ZNF487: variants seen among roughly 807,000 people sequenced by gnomAD.
ZNF487 encodes the protein zinc finger protein 487.
Under a neutral mutation model 3.0 loss-of-function variants are expected in ZNF487, and 4 were observed. The observed-to-expected ratio is 1.35, with a 90% CI of 0.66 to 3.08. The LOEUF is 3.08. Among genes scored for constraint, ZNF487 ranks in the 30% most tolerant of loss-of-function variants. The pLI, the probability that ZNF487 is intolerant of heterozygous loss-of-function variation, is 0.01. For missense variants in ZNF487, 146 were observed against 98.7 expected (o/e 1.48, Z -2.03); for synonymous variants, 55 against 34.6 (o/e 1.59, Z -2.06).
chr10:43,513,245 T>C, the ZNF487 span, among the ~76,000 whole-genome samples: 2 of 152,264 alleles, frequency 1.3e-5, no homozygotes, highest in East Asian at 1.9e-4. Flanking sequence ...TAAAGGTATA[T>C]TGCTGGCCTT....
At chr10:43,442,507 G>A (rs1291192107) in intron 1 of ZNF487, among the ~76,000 whole-genome samples, 6 of 151,934 alleles carry the variant, frequency 3.9e-5, no homozygotes, top group African/African-American at 9.7e-5. Flanking sequence ...GCAGTGGCAC[G>A]ATCTCGGCTC....
At chr10:43,483,921 G>A (rs1326344601), downstream of ZNF487, among the ~76,000 whole-genome samples, 11 of 151,814 alleles carry the variant, frequency 7.2e-5, no homozygotes, top group Non-Finnish European at 1.0e-4. Context: ...GCATGATCTC[G>A]GCTCACTGCA....
intron 1 of ZNF487, chr10:43,452,933 T>C (rs1357695349): frequency 1.3e-5 from 2 of 152,084 alleles, no homozygotes; most frequent in Non-Finnish European, 1.5e-5. Context: ...TTTTTTTCTT[T>C]TTTTGGTGGT....
intron 1 of ZNF487, among the ~76,000 whole-genome samples, chr10:43,465,314 G>A (rs1329765485): frequency 6.6e-6 from 1 of 151,698 alleles, no homozygotes; most frequent in Non-Finnish European, 1.5e-5. Context: ...TCCCGGACCG[G>A]GTGGCTGCCG....
At chr10:43,438,675 T>C (rs1839470336) in intron 1 of ZNF487, among the ~76,000 whole-genome samples, 1 of 152,198 alleles carries the variant, frequency 6.6e-6, no homozygotes. Context: ...TGTACAGTCA[T>C]GTTCATAGCA....
At chr10:43,442,743 CTG>C (rs1165681804) in intron 1 of ZNF487, among the ~76,000 whole-genome samples, 2 of 152,012 alleles carry the variant, frequency 1.3e-5, no homozygotes, top group African/African-American at 4.8e-5. Flanking sequence ...GCGCCCAGCC[CTG>C]GAATTATTTT....
Position 43,456,515 on chromosome 10 carries a change from T to C in ZNF487, c.-93-19206T>C, listed in dbSNP as rs1196765632. The stretch of plus-strand genomic sequence containing the variant: ...GGGTTAGGCTTGCCCAGGAAATGTC[T>C]CTCCATTTTCAGGGTTGAGAGAACC... On this transcript the variant is annotated intron_variant, in intron 1 of 3. Coordinates refer to ENST00000437590, the MANE Select transcript of ZNF487 (RefSeq NM_001355444.3). 2.0e-5 allele frequency among the ~76,000 whole-genome samples: 3 copies of C among 152,148 alleles called. No individual in the cohort carries two copies. In the East Asian group the frequency reaches 5.8e-4, roughly 29 times the overall value.
intron 1 of ZNF487, among the ~76,000 whole-genome samples, chr10:43,440,541 C>T (rs1839561401): frequency 6.6e-6 from 1 of 151,820 alleles, no homozygotes; most frequent in African/African-American, 2.4e-5. Context: ...ACCTGTAGTC[C>T]CAGCTACTTG....
chr10:43,448,052 C>T (rs7073767), intron 1 of ZNF487, among the ~76,000 whole-genome samples: 26,507 of 135,718 alleles, frequency 0.2, 2,576 homozygotes, highest in Middle Eastern at 0.3. Context: ...TGCAGTGGTG[C>T]GATCTCGGCT....
intron 3 of ZNF487, among the ~76,000 whole-genome samples, chr10:43,476,632 G>T (rs947645659): frequency 6.6e-6 from 1 of 152,192 alleles, no homozygotes; most frequent in South Asian, 2.1e-4. Flanking sequence ...GAGATGTAGT[G>T]TGTGCTTTAT....
the ZNF487 span, among the ~76,000 whole-genome samples, chr10:43,503,807 C>T: frequency 6.6e-6 from 1 of 152,112 alleles, no homozygotes; most frequent in African/African-American, 2.4e-5. Flanking sequence ...AGGGTTTCAC[C>T]ATGTTGCCCA....
chr10:43,451,028 A>C (rs1839989263), intron 1 of ZNF487, among the ~76,000 whole-genome samples: 1 of 151,030 alleles, frequency 6.6e-6, no homozygotes, highest in African/African-American at 2.4e-5. Context: ...GCTCACTGCA[A>C]CCTCCATCTC....
chr10:43,452,787 T>A (rs562181690), intron 1 of ZNF487: 1 of 152,110 alleles, frequency 6.6e-6, no homozygotes, highest in East Asian at 1.9e-4. Flanking sequence ...AAACCAGGTT[T>A]TGGGTGGGGA....
At chr10:43,488,992 C>T in the ZNF487 span, among the ~76,000 whole-genome samples, 429 of 151,804 alleles carry the variant, frequency 2.8e-3, 3 homozygotes, top group Admixed American at 0.02. Context: ...GTATGGTGGC[C>T]TATGCGTGTA....
At chr10:43,510,951 A>G in the ZNF487 span, among the ~76,000 whole-genome samples, 1 of 152,198 alleles carries the variant, frequency 6.6e-6, no homozygotes, top group Non-Finnish European at 1.5e-5. Flanking sequence ...TCCTGGTGGC[A>G]GTGTTCCTCC....
At chr10:43,448,796 G>A (rs546423313) in intron 1 of ZNF487, among the ~76,000 whole-genome samples, 20 of 152,036 alleles carry the variant, frequency 1.3e-4, no homozygotes, top group African/African-American at 4.6e-4. Context: ...CAGCCTAGGT[G>A]ACAGAGGAAG....
At chr10:43,465,029 G>A (rs1449550015) in intron 1 of ZNF487, among the ~76,000 whole-genome samples, 2 of 135,264 alleles carry the variant, frequency 1.5e-5, no homozygotes, top group Non-Finnish European at 3.1e-5. Context: ...CGGACGGGGC[G>A]GCTGGCCGGG....
the ZNF487 span, among the ~76,000 whole-genome samples, chr10:43,510,662 C>T: frequency 3.9e-5 from 6 of 152,196 alleles, no homozygotes; most frequent in Admixed American, 6.5e-5. Flanking sequence ...ATTCTCCTGC[C>T]TCAGCCTCCT....
At chr10:43,444,108 C>T (rs1839718657) in intron 1 of ZNF487, among the ~76,000 whole-genome samples, 1 of 152,190 alleles carries the variant, frequency 6.6e-6, no homozygotes, top group African/African-American at 2.4e-5. Flanking sequence ...CTGCCTCGGC[C>T]TCCCAAAGTG....
Sources: gnomAD v4.1 joint callset for allele counts (sites outside exome capture counted in the v4.1 genomes callset) on GRCh38, gnomAD v4.1.1 for gene constraint, MANE v1.5 for transcripts, NCBI Gene and HGNC (gene_info 2026-07-23, HGNC 2026-07-21) for gene names.